The following PCDHGA1 variants were observed in gnomAD, a reference collection of about 807,000 sequenced individuals.
PCDHGA1 encodes the protein protocadherin gamma subfamily A, 1, also known as protocadherin gamma-A1.
In PCDHGA1, 32 loss-of-function variants were observed where a neutral mutation model predicts 58.0. The ratio of observed to expected loss-of-function variants is 0.55; its 90% confidence interval spans 0.42 to 0.74. The LOEUF (loss-of-function observed/expected upper bound fraction) is 0.74. Among genes scored for constraint, PCDHGA1 ranks in the 30% least tolerant of loss-of-function variants. The pLI is 0.00. For missense variants in PCDHGA1, 1,205 were observed against 1,182.3 expected (o/e 1.02, Z -0.28); for synonymous variants, 498 against 501.1 (o/e 0.99, Z 0.08).
chr5:141,410,849 CTTT>C (rs759346998), intron 1 of PCDHGA1: 1,556 of 136,944 alleles, frequency 0.011, no homozygotes, highest in South Asian at 0.02. Flanking sequence ...TTGTCTTTGT[CTTT>C]TTTTTTTTTT....
chr5:141,367,386 A>T (rs549241556), intron 1 of PCDHGA1: 1 of 152,182 alleles, frequency 6.6e-6, no homozygotes, highest in South Asian at 2.1e-4. Flanking sequence ...AAATACAAAA[A>T]ATTAGCCGGG....
Position 141,431,051 on chromosome 5 carries a change from G to C in PCDHGA1, c.2422-63756G>C, listed in dbSNP as rs1280440001. On this transcript the variant is annotated intron_variant, in intron 1 of 3. Coordinates refer to ENST00000517417, the MANE Select transcript of PCDHGA1 (RefSeq NM_018912.3). This position sits in a 1 kb window ranked among gnomAD's most constrained non-coding sequence, Gnocchi z 4.8. ...GATAGACCGGGAGGAGCTCTGTATGGGGGCCATCAAGTGTCAATTAAATCT... is the reference window on the plus strand; with the variant it reads ...GATAGACCGGGAGGAGCTCTGTATGCGGGCCATCAAGTGTCAATTAAATCT... 3 of 1,614,218 alleles carry C rather than the reference G, an allele frequency of 1.9e-6. No homozygotes were observed. Among genetic ancestry groups the C allele is most frequent in the East Asian group, 2.2e-5 (1 of 44,886 alleles).
At chr5:141,361,084 C>CT in intron 1 of PCDHGA1, 2 of 1,613,986 alleles carry the variant, frequency 1.2e-6, no homozygotes, top group Non-Finnish European at 1.7e-6. Flanking sequence ...TAGTTACACT[C>CT]TGAGTATCGA....
rs771744120 is a variant in PCDHGA1 at position 141,485,876 on chromosome 5, G to A, written c.2422-8931G>A. ...AGAGCTCCGGGTATCCGTGCTGGAC[G>A]TAAACGACAACGCCCCAGCCTTCCA... On this transcript the variant is annotated intron_variant, in intron 1 of 3. Transcript: ENST00000517417. This position sits in a 1 kb window ranked among gnomAD's most constrained non-coding sequence, Gnocchi z 5.7. 1 of 1,614,174 alleles carries A rather than the reference G, an allele frequency of 6.2e-7. No homozygotes were observed. Among genetic ancestry groups the A allele is most frequent in the Non-Finnish European group, 8.5e-7 (1 of 1,180,030 alleles).
intron 1 of PCDHGA1, among the ~76,000 whole-genome samples, chr5:141,406,450 G>T (rs2094811564): frequency 6.6e-6 from 1 of 152,194 alleles, no homozygotes; most frequent in South Asian, 2.1e-4. Flanking sequence ...CCATTTCTAT[G>T]ACAGGAAAAC....
intron 1 of PCDHGA1, among the ~76,000 whole-genome samples, chr5:141,397,628 A>T (rs2093548217): frequency 6.6e-6 from 1 of 152,242 alleles, no homozygotes; most frequent in Non-Finnish European, 1.5e-5. Flanking sequence ...AGTTCTAGCT[A>T]AGAGTTCAAG....
chr5:141,351,657 C>T lies in PCDHGA1; in HGVS notation c.2421+18552C>T. ...TCTGAGAACAACCCACCTGGCGCCT[C>T]CATTGCACAAGTAAGCGCCTCCGAC... is the stretch of plus-strand genomic sequence containing the variant. On this transcript the variant is annotated intron_variant, in intron 1 of 3. Transcript: ENST00000517417. The T allele has an allele frequency of 6.2e-7, 1 of 1,614,048 alleles. No individual in the cohort carries two copies. Among genetic ancestry groups the T allele is most frequent in the Non-Finnish European group, 8.5e-7 (1 of 1,179,910 alleles).
At chr5:141,437,426 C>G (rs531265278) in intron 1 of PCDHGA1, among the ~76,000 whole-genome samples, 2 of 152,150 alleles carry the variant, frequency 1.3e-5, no homozygotes, top group Non-Finnish European at 2.9e-5. Context: ...CTTTTTGAAG[C>G]AGCAATAGCA....
chr5:141,371,551 TA>T, intron 1 of PCDHGA1: 1 of 1,613,822 alleles, frequency 6.2e-7, no homozygotes, highest in Non-Finnish European at 8.5e-7. Flanking sequence ...CTATGCCAAC[TA>T]AAAGGAAACT....
intron 1 of PCDHGA1, chr5:141,414,596 C>T: frequency 6.2e-7 from 1 of 1,613,962 alleles, no homozygotes; most frequent in Non-Finnish European, 8.5e-7. Context: ...AGGGGTGCCT[C>T]CATCTTCTCA....
intron 1 of PCDHGA1, chr5:141,344,913 C>T (rs948066467): frequency 8.7e-6 from 14 of 1,613,862 alleles, no homozygotes; most frequent in Non-Finnish European, 1.0e-5. Flanking sequence ...GATTTTCCAT[C>T]TTAACTCAGT....
At chr5:141,475,132 T>C (rs563015610) in intron 1 of PCDHGA1, among the ~76,000 whole-genome samples, 14 of 152,322 alleles carry the variant, frequency 9.2e-5, no homozygotes, top group African/African-American at 2.6e-4. Context: ...TTTTTTCTTT[T>C]TGAAATCTTC....
intron 3 of PCDHGA1, among the ~76,000 whole-genome samples, chr5:141,509,040 C>T (rs1217864661): frequency 6.6e-6 from 1 of 152,132 alleles, no homozygotes; most frequent in African/African-American, 2.4e-5. Context: ...CAACCCCTCT[C>T]CCCCGCCCCC....
At chr5:141,413,148 CTT>C (rs2095608671) in intron 1 of PCDHGA1, 2 of 1,570,414 alleles carry the variant, frequency 1.3e-6, no homozygotes, top group South Asian at 1.2e-5. Flanking sequence ...CCAGTGAGGA[CTT>C]TGCAGAATTC....
Position 141,487,931 on chromosome 5 carries a change from G to A in PCDHGA1, c.2422-6876G>A. The stretch of plus-strand genomic sequence containing the variant: ...AGCACAGGAGGCTACAGTGCACAGG[G>A]TACAGTGCACCAGGCAGTCACTTGG... On this transcript the variant is annotated intron_variant, in intron 1 of 3. Transcript: ENST00000517417. The surrounding 1 kb of genome is among the most constrained non-coding windows in gnomAD (Gnocchi z 5.0). The A allele has an allele frequency of 1.6e-6, 1 of 612,954 alleles. No homozygotes were observed. The highest frequency in any genetic ancestry group is 2.8e-6 in the Non-Finnish European group (1 of 351,318). 38.0% of individuals were successfully genotyped at this position (612,954 alleles called of 1,614,324 possible). A position where few individuals can be genotyped will look rare whatever the true frequency, so the allele number is the denominator to read the frequency against.
At chr5:141,335,959 G>C (rs1756591260) in intron 1 of PCDHGA1, among the ~76,000 whole-genome samples, 1 of 152,046 alleles carries the variant, frequency 6.6e-6, no homozygotes, top group Non-Finnish European at 1.5e-5. Context: ...CTAATTAGGA[G>C]TAAGTTTATA....
chr5:141,331,466 T>G lies in PCDHGA1; in HGVS notation c.782T>G (p.Leu261Arg), dbSNP rs1756359100. The change falls in exon 1 of 4, where the codon CTG (leucine) becomes CGG (arginine). Residue 261 changes from leucine (L) to arginine (R), a missense_variant. Physicochemically the swap from Leu to Arg is moderately radical, Grantham distance 102 (BLOSUM62 -2). Coordinates refer to ENST00000517417, the MANE Select transcript of PCDHGA1 (RefSeq NM_018912.3). ...GAAAACGTGCCGCTGGGTACTCAGC[T>G]GCTCATGGTAAATGCCACTGACCCT... ...VPENVPLGTQ[L>R]LMVNATDPDE... 8 of 1,614,228 alleles carry G rather than the reference T, an allele frequency of 5.0e-6. No individual in the cohort carries two copies. Among genetic ancestry groups the G allele is most frequent in the Non-Finnish European group, 6.8e-6 (8 of 1,180,038 alleles).
chr5:141,333,229 C>A, intron 1 of PCDHGA1, 124 bp downstream of exon 1: 1 of 1,392,224 alleles, frequency 7.2e-7, no homozygotes, highest in South Asian at 1.4e-5. Flanking sequence ...CTTTTTATTA[C>A]AAGTCCTGCA....
intron 1 of PCDHGA1, chr5:141,350,974 G>A (rs776132463): frequency 9.9e-6 from 16 of 1,614,096 alleles, no homozygotes; most frequent in Non-Finnish European, 1.4e-5. Flanking sequence ...ATGCTCCCGT[G>A]TTTAGCCAGG....
Sources: gnomAD v4.1 joint callset for allele counts (sites outside exome capture counted in the v4.1 genomes callset) on GRCh38, gnomAD v4.1.1 for gene constraint, Gnocchi (gnomAD v3.1) non-coding constraint, MANE v1.5 for transcripts, NCBI Gene and HGNC (gene_info 2026-07-23, HGNC 2026-07-21) for gene names.